Variants in PDGFRL observed in about 807,000 individuals in gnomAD.
PDGFRL encodes the protein platelet-derived growth factor receptor-like protein.
Under a neutral mutation model 37.2 loss-of-function variants are expected in PDGFRL, and 46 were observed. That is an observed-to-expected ratio of 1.24 (90% confidence interval 0.98 to 1.58). The LOEUF (loss-of-function observed/expected upper bound fraction) is 1.58, where lower values mean the gene tolerates loss of function less well. Ranked by LOEUF, PDGFRL falls within the 40% of genes most tolerant of loss-of-function variation. The probability of loss-of-function intolerance (pLI) is 0.00; values close to 1 mark genes in which losing one functional copy is unlikely to be tolerated. For synonymous variants in PDGFRL, 251 were observed against 184.3 expected, an observed-to-expected ratio of 1.36 and a Z score of -2.93; for missense variants, 692 against 467.6, an observed-to-expected ratio of 1.48 and a Z score of -4.43.
At chr8:17,595,700 C>A (rs1320068745) in intron 2 of PDGFRL, among the ~76,000 whole-genome samples, 1 of 152,222 alleles carries the variant, frequency 6.6e-6, no homozygotes, top group Non-Finnish European at 1.5e-5. Context: ...GTCTCAGGGC[C>A]TCTAGCCCTG....
chr8:17,607,600 G>C (rs1276115998), intron 2 of PDGFRL, among the ~76,000 whole-genome samples: 1 of 152,096 alleles, frequency 6.6e-6, no homozygotes, highest in Non-Finnish European at 1.5e-5. Context: ...GATAATTTTG[G>C]GGCATCTTGC....
intron 1 of PDGFRL, among the ~76,000 whole-genome samples, chr8:17,581,835 A>G (rs1312772043): frequency 6.6e-6 from 1 of 152,122 alleles, no homozygotes. Flanking sequence ...TAAACAACCC[A>G]GCCCTACGTA....
chr8:17,600,851 G>A (rs1418702113), intron 2 of PDGFRL, among the ~76,000 whole-genome samples: 7 of 151,258 alleles, frequency 4.6e-5, no homozygotes, highest in African/African-American at 1.5e-4. Flanking sequence ...GCATAGTAGT[G>A]CACCCCTGTA....
intron 4 of PDGFRL, among the ~76,000 whole-genome samples, chr8:17,631,521 C>A (rs543734440): frequency 6.6e-6 from 1 of 152,282 alleles, no homozygotes; most frequent in African/African-American, 2.4e-5. Flanking sequence ...CCTGCTCCAC[C>A]TCCCCCAGTG....
At chr8:17,606,417 A>G (rs986229321) in intron 2 of PDGFRL, among the ~76,000 whole-genome samples, 1 of 152,198 alleles carries the variant, frequency 6.6e-6, no homozygotes, top group Non-Finnish European at 1.5e-5. Context: ...GCATGGGTCC[A>G]ATTGGGGTCT....
chr8:17,590,888 A>ATTTTTTTTTTTTTTTTTTTTTTT lies in PDGFRL; in HGVS notation c.353+1135_353+1136insTTTTTTTTTTTTTTTTTTTTTTT, dbSNP rs71729974. On this transcript the variant is annotated intron_variant, in intron 2 of 5. Coordinates refer to ENST00000251630, the MANE Select transcript of PDGFRL (RefSeq NM_001372073.1). ...CTTCTCATTATTATTATTATTATTA[A>ATTTTTTTTTTTTTTTTTTTTTTT]TTTTTTTTTTTTGAGACGGAGTCTC... is the stretch of plus-strand genomic sequence containing the variant. Among the ~76,000 whole-genome samples the ATTTTTTTTTTTTTTTTTTTTTTT allele has an allele frequency of 1.4e-5, 2 of 143,082 alleles. 1 individual carries two copies. The allele number at this position is 143,082 out of a possible 152,430, so 93.9% of individuals were successfully genotyped here.
At chr8:17,596,708 T>A (rs1804060440) in intron 2 of PDGFRL, among the ~76,000 whole-genome samples, 1 of 152,204 alleles carries the variant, frequency 6.6e-6, no homozygotes, top group Non-Finnish European at 1.5e-5. Context: ...AGCAAGAGCC[T>A]TAGAAGAAAG....
intron 4 of PDGFRL, among the ~76,000 whole-genome samples, chr8:17,630,765 T>C (rs1804845357): frequency 6.6e-6 from 1 of 152,172 alleles, no homozygotes; most frequent in African/African-American, 2.4e-5. Context: ...GTTAGCCTGA[T>C]GGGAACAGAT....
chr8:17,642,751 C>T lies in PDGFRL; in HGVS notation c.1078C>T (p.Gln360Ter). The change falls in exon 6 of 6, where the codon CAG (glutamine) becomes TAG (stop). Residue 360 changes from glutamine (Q) to a stop codon, truncating the protein, a stop_gained. Transcript: ENST00000251630. LOFTEE classifies it high-confidence loss of function. ...TGCAGGATATTACATTTGCACTGCT[C>T]AGAATCTTCAAGGACAGACCACAGT... ...IDAGYYICTA[Q>*]NLQGQTTVAT... The T allele has an allele frequency of 2.5e-6, 4 of 1,611,034 alleles. No individual in the cohort carries two copies. The highest frequency in any genetic ancestry group is 3.4e-6 in the Non-Finnish European group (4 of 1,177,182).
At position 17,589,849 on chromosome 8, in the gene PDGFRL, T is replaced by A. The variant is rs1372600650; in HGVS notation, c.353+84T>A. 6 of 801,998 alleles carry A rather than the reference T, an allele frequency of 7.5e-6. No homozygotes were observed. In the African/African-American group the frequency reaches 1.0e-4, roughly 14 times the overall value. The allele number at this position is 801,998 out of a possible 1,614,324, so 49.7% of individuals were successfully genotyped here. ...CCTTCTTAACTATTATTACACATTG[T>A]TTCTGACATGTTCCATTTTACCCTA... is the stretch of plus-strand genomic sequence containing the variant. On this transcript the variant is annotated intron_variant, in intron 2 of 5. Transcript: ENST00000251630.
At chr8:17,613,273 G>T (rs1323798692) in intron 2 of PDGFRL, among the ~76,000 whole-genome samples, 1 of 152,188 alleles carries the variant, frequency 6.6e-6, no homozygotes, top group Non-Finnish European at 1.5e-5. Context: ...GTTTTGGTTT[G>T]TGGTGTCAAG....
intron 1 of PDGFRL, among the ~76,000 whole-genome samples, chr8:17,589,201 G>A (rs1189496857): frequency 6.6e-6 from 1 of 152,006 alleles, no homozygotes; most frequent in African/African-American, 2.4e-5. Context: ...AACGTGCTGA[G>A]ACCCTGTCTC....
At chr8:17,594,710 A>G (rs1804015223) in intron 2 of PDGFRL, among the ~76,000 whole-genome samples, 1 of 151,980 alleles carries the variant, frequency 6.6e-6, no homozygotes, top group South Asian at 2.1e-4. Context: ...ACGTGCCACC[A>G]TGCCTGGCTA....
chr8:17,579,902 C>A (rs575326769), intron 1 of PDGFRL, among the ~76,000 whole-genome samples: 1 of 152,016 alleles, frequency 6.6e-6, no homozygotes, highest in Non-Finnish European at 1.5e-5. Context: ...CAAGATTCCA[C>A]GTTGAGATGT....
chr8:17,628,433 C>T, intron 3 of PDGFRL, 54 bp from the exon 4 acceptor site: 1 of 1,445,372 alleles, frequency 6.9e-7, no homozygotes, highest in Non-Finnish European at 9.7e-7. Flanking sequence ...CTTAAGGGTG[C>T]TTTTACTTTG....
intron 2 of PDGFRL, among the ~76,000 whole-genome samples, chr8:17,591,845 G>A (rs1363856535): frequency 6.6e-6 from 1 of 152,166 alleles, no homozygotes; most frequent in Non-Finnish European, 1.5e-5. Flanking sequence ...GAACCTGGGA[G>A]GCGGAGGTTG....
intron 2 of PDGFRL, among the ~76,000 whole-genome samples, chr8:17,619,939 C>T (rs992996118): frequency 6.6e-6 from 1 of 152,150 alleles, no homozygotes; most frequent in African/African-American, 2.4e-5. Context: ...TCTCTGCTTC[C>T]CCCACACACC....
intron 5 of PDGFRL, among the ~76,000 whole-genome samples, chr8:17,637,006 G>A (rs894134997): frequency 1.3e-5 from 2 of 152,152 alleles, no homozygotes; most frequent in African/African-American, 4.8e-5. Flanking sequence ...AGTTCTAGCA[G>A]CTTTTTGGAG....
At chr8:17,638,778 TATATATATAA>T (rs1187798512) in intron 5 of PDGFRL, among the ~76,000 whole-genome samples, 1 of 112,454 alleles carries the variant, frequency 8.9e-6, no homozygotes, top group African/African-American at 3.7e-5. Context: ...TATATATATA[TATATATATAA>T]TTGTGATATT....
Sources: gnomAD v4.1 joint callset for allele counts (sites outside exome capture counted in the v4.1 genomes callset) on GRCh38, gnomAD v4.1.1 for gene constraint, MANE v1.5 for transcripts, NCBI Gene and HGNC (gene_info 2026-07-23, HGNC 2026-07-21) for gene names.